The following APP variants were observed in gnomAD, a reference collection of about 807,000 sequenced individuals.
APP encodes the protein amyloid beta precursor protein.
In APP, 31 loss-of-function variants were observed where a neutral mutation model predicts 101.4. The ratio of observed to expected loss-of-function variants is 0.31; its 90% CI spans 0.23 to 0.41. The LOEUF is 0.41. Ranked by LOEUF, APP falls within the 10% of genes least tolerant of loss-of-function variation. APP has a pLI of 1.00. For missense variants in APP, 839 were observed against 1,003.7 expected, an observed-to-expected ratio of 0.84 and a Z score of 2.22; for synonymous variants, 366 against 364.4, an observed-to-expected ratio of 1.00 and a Z score of -0.05.
At chr21:26,002,985 T>C (rs1453156654) in intron 6 of APP, among the ~76,000 whole-genome samples, 1 of 152,226 alleles carries the variant, frequency 6.6e-6, no homozygotes, top group Non-Finnish European at 1.5e-5. Context: ...GATAACTATG[T>C]GCCCTTATGT....
chr21:26,130,235 C>G (rs1262848156), intron 1 of APP, among the ~76,000 whole-genome samples: 2 of 152,228 alleles, frequency 1.3e-5, no homozygotes, highest in Admixed American at 6.5e-5. Context: ...AAAACATGTA[C>G]TGCTTTTTTA....
At chr21:26,131,102 A>G (rs1178633384) in intron 1 of APP, among the ~76,000 whole-genome samples, 3 of 151,934 alleles carry the variant, frequency 2.0e-5, no homozygotes, top group African/African-American at 7.3e-5. Context: ...GGTGGCACTC[A>G]CCCGTAATCC....
chr21:25,947,313 A>G (rs969482983), intron 13 of APP, among the ~76,000 whole-genome samples: 3 of 558 alleles, frequency 5.4e-3, no homozygotes, highest in East Asian at 0.04. Flanking sequence ...AACCACCACT[A>G]TGGGGTGAGT....
chr21:25,899,805 G>A (rs1404528141), intron 15 of APP, among the ~76,000 whole-genome samples: 1 of 152,158 alleles, frequency 6.6e-6, no homozygotes, highest in Non-Finnish European at 1.5e-5. Flanking sequence ...CGTAGCAATA[G>A]GTAACTAATG....
intron 3 of APP, among the ~76,000 whole-genome samples, chr21:26,075,868 A>G (rs1167761211): frequency 6.6e-6 from 1 of 152,124 alleles, no homozygotes; most frequent in Non-Finnish European, 1.5e-5. Context: ...TCCCTGGAAC[A>G]TCCCCATGAA....
chr21:25,997,295 G>C, intron 8 of APP, 65 bp downstream of exon 8: 1 of 1,431,912 alleles, frequency 7.0e-7, no homozygotes, highest in Non-Finnish European at 9.9e-7. Context: ...GATGATGCTG[G>C]AGTTATGTGA....
chr21:26,064,990 A>C (rs2046403407), intron 3 of APP, among the ~76,000 whole-genome samples: 2 of 152,184 alleles, frequency 1.3e-5, no homozygotes, highest in South Asian at 4.1e-4. Context: ...AGTAGCTGGG[A>C]CTACAGGCCT....
intron 13 of APP, among the ~76,000 whole-genome samples, chr21:25,940,210 C>G (rs554015576): frequency 6.6e-6 from 1 of 152,100 alleles, no homozygotes; most frequent in Non-Finnish European, 1.5e-5. Context: ...TGTTGCACAT[C>G]ATTTACCCTT....
At chr21:26,013,832 A>C (rs2043928585) in intron 6 of APP, among the ~76,000 whole-genome samples, 1 of 152,182 alleles carries the variant, frequency 6.6e-6, no homozygotes, top group Non-Finnish European at 1.5e-5. Flanking sequence ...GATTGAGACC[A>C]TTAAACTACA....
At chr21:26,149,979 C>A (rs1253304807) in intron 1 of APP, among the ~76,000 whole-genome samples, 1 of 152,166 alleles carries the variant, frequency 6.6e-6, no homozygotes, top group Non-Finnish European at 1.5e-5. Flanking sequence ...GGGAAAAAAA[C>A]CTTTTTTCTC....
intron 11 of APP, 60 bp downstream of exon 11, chr21:25,975,010 C>T (rs761190907): frequency 6.2e-7 from 1 of 1,607,784 alleles, no homozygotes; most frequent in South Asian, 1.1e-5. Context: ...GTTCCCAGTG[C>T]CCCACCCTTA....
intron 2 of APP, among the ~76,000 whole-genome samples, chr21:26,111,093 A>T (rs1391685068): frequency 8.1e-6 from 1 of 123,850 alleles, no homozygotes; most frequent in Non-Finnish European, 1.9e-5. Context: ...AAGTTAAAAA[A>T]AAAAAAAAAA....
chr21:25,903,953 T>A (rs962484269), intron 15 of APP, among the ~76,000 whole-genome samples: 8 of 150,788 alleles, frequency 5.3e-5, no homozygotes, highest in African/African-American at 7.3e-5. Context: ...GAGGCAGTCA[T>A]GGCTCGAGCC....
intron 9 of APP, among the ~76,000 whole-genome samples, chr21:25,977,566 G>T (rs1015652072): frequency 6.6e-5 from 10 of 152,094 alleles, no homozygotes; most frequent in African/African-American, 2.2e-4. Flanking sequence ...ATCACCATGT[G>T]GGTTCCTAAT....
At chr21:26,100,083 G>A (rs531384500) in intron 2 of APP, among the ~76,000 whole-genome samples, 1 of 152,236 alleles carries the variant, frequency 6.6e-6, no homozygotes, top group South Asian at 2.1e-4. Flanking sequence ...AGATGGGAGA[G>A]AAATAAAAAT....
intron 3 of APP, among the ~76,000 whole-genome samples, chr21:26,054,492 G>T (rs2045958050): frequency 6.6e-6 from 1 of 152,148 alleles, no homozygotes; most frequent in South Asian, 2.1e-4. Context: ...TCTGGATATG[G>T]GTGGAAGCAG....
At chr21:25,971,326 G>A (rs898828609) in intron 11 of APP, among the ~76,000 whole-genome samples, 6 of 152,180 alleles carry the variant, frequency 3.9e-5, no homozygotes, top group Admixed American at 6.5e-5. Flanking sequence ...GATTACAGGC[G>A]TGAGCCACCA....
At chr21:26,134,691 C>T (rs570784859) in intron 1 of APP, among the ~76,000 whole-genome samples, 122 of 152,310 alleles carry the variant, frequency 8.0e-4, no homozygotes, top group African/African-American at 2.8e-3. Flanking sequence ...AGTTTATCAA[C>T]TCAAACTTCA....
At chr21:25,957,861 G>A (rs2041390142) in intron 11 of APP, among the ~76,000 whole-genome samples, 1 of 152,060 alleles carries the variant, frequency 6.6e-6, no homozygotes, top group Non-Finnish European at 1.5e-5. Context: ...ACACATGCCT[G>A]CAGTTCCAGC....
Sources: allele counts gnomAD v4.1 joint callset (sites outside exome capture counted in the v4.1 genomes callset), GRCh38; gene constraint gnomAD v4.1.1; transcripts MANE v1.5; gene names NCBI Gene and HGNC (gene_info 2026-07-23, HGNC 2026-07-21).